Variants in ABCA12 observed in about 807,000 individuals in gnomAD.
ABCA12 encodes glucosylceramide transporter ABCA12.
A neutral mutation model predicts 293.5 loss-of-function variants in ABCA12; 156 were observed. That is an observed-to-expected ratio of 0.53 (90% CI 0.47 to 0.61). ABCA12 has a LOEUF of 0.61. Ranked by LOEUF, ABCA12 falls within the 20% of genes least tolerant of loss-of-function variation. The pLI is 0.00. For missense variants in ABCA12, 2,797 were observed against 3,090.2 expected (o/e 0.91, Z 2.25); for synonymous variants, 1,063 against 1,108.0 (o/e 0.96, Z 0.81).
At chr2:214,974,694 A>T in intron 35 of ABCA12, 84 bp downstream of exon 35, 1 of 1,302,522 alleles carries the variant, frequency 7.7e-7, no homozygotes. Context: ...CCAGGCAAAT[A>T]ACAGACACAC....
intron 22 of ABCA12, 108 bp downstream of exon 22, chr2:215,000,597 G>T: frequency 7.5e-7 from 1 of 1,325,470 alleles, no homozygotes; most frequent in Non-Finnish European, 1.1e-6. Flanking sequence ...TATTACAAAA[G>T]TTTGGTGAAT....
In ABCA12 at chr2:215,019,586, C is replaced by T; in HGVS notation, c.1498G>A (p.Asp500Asn). 6.2e-7 allele frequency: 1 copy of T among 1,614,204 alleles called. No homozygotes were observed. The highest frequency in any genetic ancestry group is 8.5e-7 in the Non-Finnish European group (1 of 1,180,026). The change falls in exon 12 of 53, where the codon GAT (aspartate) becomes AAT (asparagine). Residue 500 changes from aspartate (D) to asparagine (N), a missense_variant. Around this residue, in one of 3 missense-constraint regions of ABCA12, gnomAD observed 656 missense variants for 638.2 expected, o/e 1.03. Coordinates refer to ENST00000272895, the MANE Select transcript of ABCA12 (RefSeq NM_173076.3). ...TTGCTTGGATCTCCAGTCAGCAAAT[C>T]TCTCACTTTTTTAGATATGACATTG... ...HDNVISKKVRDLLTGDPSKIN... is the reference protein window; with the variant it reads ...HDNVISKKVRNLLTGDPSKIN...
At chr2:215,103,053 A>G (rs1193072765) in intron 2 of ABCA12, among the ~76,000 whole-genome samples, 5 of 152,042 alleles carry the variant, frequency 3.3e-5, no homozygotes, top group African/African-American at 9.7e-5. Context: ...GCTGACTCCA[A>G]CTTCCTTGCT....
chr2:215,010,371 T>A lies in ABCA12; in HGVS notation c.2432A>T (p.Tyr811Phe), dbSNP rs1323211486. The A allele has an allele frequency of 1.2e-6, 2 of 1,613,834 alleles. No homozygotes were observed. Among genetic ancestry groups the A allele is most frequent in the Non-Finnish European group, 1.7e-6 (2 of 1,179,778 alleles). The change falls in exon 18 of 53, where the codon TAT becomes TTT. Residue 811 changes from tyrosine (Y) to phenylalanine (F), a missense_variant. Tyr to Phe is a conservative substitution (Grantham distance 22, BLOSUM62 3). Around this residue, in one of 3 missense-constraint regions of ABCA12, gnomAD observed 2,130 missense variants for 2,427.0 expected, o/e 0.88. Coordinates refer to ENST00000272895, the MANE Select transcript of ABCA12 (RefSeq NM_173076.3). ...LKPMLLGRIL[Y>F]APYNPVTKAI... is the part of the protein sequence containing the mutation. ...CTTTGTGACTGGGTTATATGGTGCA[T>A]ACAAAATTCTTCCCAACAACATAGG...
chr2:214,954,637 T>C (rs376077919), intron 43 of ABCA12, among the ~76,000 whole-genome samples: 2 of 152,320 alleles, frequency 1.3e-5, no homozygotes, highest in East Asian at 3.9e-4. Context: ...TCCCAGAGTA[T>C]GCTTGTCTAG....
chr2:214,987,723 A>C lies in ABCA12; in HGVS notation c.3900T>G (p.Cys1300Trp). 1 of 1,614,132 alleles carries C rather than the reference A, an allele frequency of 6.2e-7. No homozygotes were observed. Among genetic ancestry groups the C allele is most frequent in the Non-Finnish European group, 8.5e-7 (1 of 1,180,010 alleles). The change falls in exon 27 of 53, where the codon TGT becomes TGG. Residue 1300 changes from cysteine (C) to tryptophan (W), a missense_variant. Cys to Trp is a radical substitution (Grantham distance 215). Transcript: ENST00000272895. ...LPSYWKERFG[C>W]AEVKPEKSNG... is the part of the protein sequence containing the mutation. ...TGCTCTTCTCAGGCTTCACCTCTGC[A>C]CACCCAAATCGCTCCTTCCAATAGG...
intron 39 of ABCA12, among the ~76,000 whole-genome samples, chr2:214,966,269 A>G (rs1422218593): frequency 1.3e-5 from 2 of 152,186 alleles, no homozygotes; most frequent in African/African-American, 4.8e-5. Flanking sequence ...GAGCATCCGG[A>G]AGAATAGCTA....
At chr2:215,070,145 A>G (rs1701708691) in intron 2 of ABCA12, among the ~76,000 whole-genome samples, 1 of 108,560 alleles carries the variant, frequency 9.2e-6, no homozygotes, top group Non-Finnish European at 1.9e-5. Context: ...ACAGATTTAA[A>G]TGATTAATAA....
intron 2 of ABCA12, among the ~76,000 whole-genome samples, chr2:215,068,544 C>T (rs1414768014): frequency 6.6e-6 from 1 of 152,058 alleles, no homozygotes; most frequent in Non-Finnish European, 1.5e-5. Context: ...TCCCTCCTTC[C>T]CCTGCCTTGT....
chr2:214,956,928 C>T, intron 41 of ABCA12, 150 bp from the exon 42 acceptor site: 2 of 637,054 alleles, frequency 3.1e-6, no homozygotes, highest in Non-Finnish European at 5.6e-6. Context: ...TTGCTTCTAA[C>T]ATTCAACTTA....
In ABCA12 at chr2:214,983,747, C is replaced by T. The variant is rs886055609; in HGVS notation, c.4282G>A (p.Val1428Ile). The part of the protein sequence containing the change: ...KNMGVCMQHD[V>I]LFSYLTTKEH... ...TTAGTAGTGAGGTAACTGAACAAGA[C>T]GTCGTGCTGCATACAGACTCCCATG... Residue 1428 changes from valine (V) to isoleucine (I), a missense_variant, in exon 29 of 53, where the codon GTC becomes ATC. This residue lies in a region of ABCA12 where 2,130 missense variants were observed against 2,427.0 expected (regional missense o/e 0.88). Coordinates refer to ENST00000272895, the MANE Select transcript of ABCA12 (RefSeq NM_173076.3). 9.3e-6 allele frequency: 15 copies of T among 1,613,916 alleles called. No homozygotes were observed. Among genetic ancestry groups the T allele is most frequent in the Non-Finnish European group, 1.3e-5 (15 of 1,179,988 alleles).
chr2:215,063,983 C>T, intron 3 of ABCA12, 83 bp downstream of exon 3: 1 of 1,580,992 alleles, frequency 6.3e-7, no homozygotes, highest in Non-Finnish European at 8.7e-7. Flanking sequence ...CATATCTAAG[C>T]TTGCATGGCT....
Position 215,037,033 on chromosome 2 carries a change from C to T in ABCA12, c.905G>A (p.Arg302His), listed in dbSNP as rs992420630. The T allele has an allele frequency of 2.5e-6, 4 of 1,613,860 alleles. No individual in the cohort carries two copies. Among genetic ancestry groups the T allele is most frequent in the South Asian group, 1.1e-5 (1 of 91,072 alleles). Residue 302 changes from arginine (R) to histidine (H), a missense_variant, in exon 8 of 53, where the codon CGT becomes CAT. Physicochemically the swap from Arg to His is conservative, Grantham distance 29. Coordinates refer to ENST00000272895, the MANE Select transcript of ABCA12 (RefSeq NM_173076.3). ...VLLVVQKVYP[R>H]FATNEGFRTL... ...TCTGAAACCTTCGTTAGTTGCAAAA[C>T]GTGGATAAACCTTCTGCACAACCAG... is the stretch of plus-strand genomic sequence containing the variant.
At chr2:214,973,014 G>T (rs1427710029) in intron 36 of ABCA12, among the ~76,000 whole-genome samples, 1 of 151,862 alleles carries the variant, frequency 6.6e-6, no homozygotes, top group African/African-American at 2.4e-5. Context: ...TGGTAGAGAT[G>T]GGGTTTCACC....
At chr2:215,126,943 C>A (rs1004068856) in intron 1 of ABCA12, among the ~76,000 whole-genome samples, 3 of 152,048 alleles carry the variant, frequency 2.0e-5, no homozygotes, top group African/African-American at 7.2e-5. Flanking sequence ...TATGAGCTTT[C>A]TTGTTAGCAC....
At chr2:215,014,355 CA>C (rs60565150) in intron 15 of ABCA12, among the ~76,000 whole-genome samples, 52 of 145,588 alleles carry the variant, frequency 3.6e-4, no homozygotes, top group East Asian at 1.0e-3. Flanking sequence ...TAAGCAAAGT[CA>C]AAAAAAAAAA....
chr2:215,076,820 C>T (rs1468589219), intron 2 of ABCA12, among the ~76,000 whole-genome samples: 1 of 152,154 alleles, frequency 6.6e-6, no homozygotes, highest in Non-Finnish European at 1.5e-5. Flanking sequence ...TGGAGATAAA[C>T]TACACAACAC....
At chr2:215,104,110 T>A (rs1483838772) in intron 2 of ABCA12, among the ~76,000 whole-genome samples, 2 of 152,150 alleles carry the variant, frequency 1.3e-5, no homozygotes, top group East Asian at 1.9e-4. Context: ...TCTGCTCTTA[T>A]GAAGGAAAGA....
At chr2:215,107,989 G>A (rs1702496730) in intron 2 of ABCA12, among the ~76,000 whole-genome samples, 1 of 152,200 alleles carries the variant, frequency 6.6e-6, no homozygotes. Flanking sequence ...TTTCAAGGAA[G>A]TGAGGGCAAG....
Sources: allele counts gnomAD v4.1 joint callset (sites outside exome capture counted in the v4.1 genomes callset), GRCh38; gene constraint gnomAD v4.1.1; regional missense constraint gnomAD v4.1.1; transcripts MANE v1.5; gene names NCBI Gene and HGNC (gene_info 2026-07-23, HGNC 2026-07-21).